RIMS2: variants seen among roughly 807,000 people sequenced by gnomAD.
RIMS2 encodes regulating synaptic membrane exocytosis 2.
RIMS2 carries 59 observed loss-of-function variants against 174.4 expected under a neutral mutation model. That is an observed-to-expected ratio of 0.34 (90% CI 0.27 to 0.42). The LOEUF is 0.42. RIMS2 is among the 10% of genes least tolerant of loss of function. The probability of loss-of-function intolerance (pLI) is 1.00; values close to 1 mark genes in which losing one functional copy is unlikely to be tolerated. For missense variants in RIMS2, 1,620 were observed against 1,666.3 expected (o/e 0.97, Z 0.48); for synonymous variants, 606 against 572.5 (o/e 1.06, Z -0.84).
chr8:103,697,098 G>A lies in RIMS2; in HGVS notation c.189G>A (p.Gln63=), dbSNP rs374844910. Residue 63 remains glutamine, a synonymous_variant, in exon 2 of 24, where the codon CAG becomes CAA. Transcript: ENST00000504942. ...ATTTTCTCTGCAGAAAACTGCATCAGCAGTTTGAAATGTATAAAGAGCAGG... is the reference window on the plus strand; with the variant it reads ...ATTTTCTCTGCAGAAAACTGCATCAACAGTTTGAAATGTATAAAGAGCAGG... The A allele has an allele frequency of 1.5e-4, 246 of 1,612,126 alleles. 1 individual carries two copies. In the African/African-American group the frequency reaches 1.9e-3, roughly 13 times the overall value.
intron 19 of RIMS2, among the ~76,000 whole-genome samples, chr8:104,035,518 T>A (rs948696452): frequency 7.9e-5 from 12 of 151,766 alleles, no homozygotes; most frequent in Non-Finnish European, 1.8e-4. Flanking sequence ...TTTTTTTTTT[T>A]ACTTAATTTT....
At chr8:103,756,277 A>G (rs958152603) in intron 2 of RIMS2, among the ~76,000 whole-genome samples, 2 of 151,988 alleles carry the variant, frequency 1.3e-5, no homozygotes, top group African/African-American at 4.8e-5. Context: ...GGAAATGTAG[A>G]AATCACCCAT....
At chr8:104,162,402 A>G (rs2098768441) in intron 19 of RIMS2, among the ~76,000 whole-genome samples, 1 of 152,178 alleles carries the variant, frequency 6.6e-6, no homozygotes, top group Non-Finnish European at 1.5e-5. Flanking sequence ...GTCATTAAAA[A>G]ATGTAATTAG....
chr8:104,043,486 AG>A (rs1244895035), intron 19 of RIMS2, among the ~76,000 whole-genome samples: 7 of 151,614 alleles, frequency 4.6e-5, no homozygotes, highest in African/African-American at 1.7e-4. Context: ...AGGGATGTCA[AG>A]GGTGGTTGGC....
At chr8:103,934,783 C>T (rs2080862728) in intron 12 of RIMS2, among the ~76,000 whole-genome samples, 1 of 151,936 alleles carries the variant, frequency 6.6e-6, no homozygotes, top group Non-Finnish European at 1.5e-5. Context: ...CTGCAACCTC[C>T]ACCTCCCGGG....
intron 3 of RIMS2, among the ~76,000 whole-genome samples, chr8:103,796,781 A>G (rs1016631377): frequency 6.6e-6 from 1 of 152,246 alleles, no homozygotes; most frequent in African/African-American, 2.4e-5. Context: ...AGACAAAGAA[A>G]TAAGAAATAA....
At chr8:104,203,021 G>A (rs899645122) in intron 19 of RIMS2, among the ~76,000 whole-genome samples, 4 of 152,054 alleles carry the variant, frequency 2.6e-5, no homozygotes, top group African/African-American at 4.8e-5. Context: ...TTCTCTTCAC[G>A]TGAAGTTGTA....
At chr8:104,240,931 C>T (rs553524312) in intron 19 of RIMS2, among the ~76,000 whole-genome samples, 20 of 152,200 alleles carry the variant, frequency 1.3e-4, no homozygotes, top group South Asian at 1.0e-3. Flanking sequence ...ATTCCTACCT[C>T]ATTCCTAATG....
intron 1 of RIMS2, among the ~76,000 whole-genome samples, chr8:103,570,504 C>T (rs1300846519): frequency 6.6e-6 from 1 of 151,954 alleles, no homozygotes; most frequent in African/African-American, 2.4e-5. Context: ...TAAACTTTTC[C>T]AGGAAAAAAT....
chr8:103,967,878 G>A (rs1293113113), intron 15 of RIMS2, among the ~76,000 whole-genome samples: 3 of 104,846 alleles, frequency 2.9e-5, no homozygotes, highest in African/African-American at 1.0e-4. Context: ...TTTTGAGACA[G>A]AGTCTGGCTC....
chr8:103,615,419 A>G (rs2095482246), intron 1 of RIMS2, among the ~76,000 whole-genome samples: 1 of 152,184 alleles, frequency 6.6e-6, no homozygotes, highest in African/African-American at 2.4e-5. Context: ...GCCGACATCA[A>G]AAAGTTAGAA....
chr8:104,077,908 C>T (rs965238104), intron 19 of RIMS2, among the ~76,000 whole-genome samples: 3 of 151,694 alleles, frequency 2.0e-5, no homozygotes, highest in Non-Finnish European at 4.4e-5. Flanking sequence ...TTCGGGAGGC[C>T]AAGGCAGGTG....
intron 19 of RIMS2, among the ~76,000 whole-genome samples, chr8:104,144,716 A>G (rs779713063): frequency 1.3e-5 from 2 of 152,172 alleles, no homozygotes; most frequent in East Asian, 1.9e-4. Flanking sequence ...TTCTGAACAC[A>G]TAATTTTATT....
intron 14 of RIMS2, among the ~76,000 whole-genome samples, chr8:103,949,278 T>C (rs1346712265): frequency 1.3e-5 from 2 of 152,156 alleles, no homozygotes; most frequent in African/African-American, 4.8e-5. Flanking sequence ...CTGTCAATGT[T>C]TGTAGAACAA....
intron 1 of RIMS2, among the ~76,000 whole-genome samples, chr8:103,575,413 C>G (rs1455772291): frequency 6.6e-6 from 1 of 151,908 alleles, no homozygotes; most frequent in Non-Finnish European, 1.5e-5. Flanking sequence ...CCATATGACC[C>G]AGAAATTCCA....
chr8:103,869,844 A>G (rs547071318), intron 3 of RIMS2, among the ~76,000 whole-genome samples: 3 of 152,128 alleles, frequency 2.0e-5, no homozygotes, highest in Admixed American at 2.0e-4. Context: ...AATCTTGGAG[A>G]TGGGATAAAC....
chr8:103,783,818 T>C (rs1592256499), intron 3 of RIMS2, among the ~76,000 whole-genome samples: 3 of 151,172 alleles, frequency 2.0e-5, no homozygotes, highest in African/African-American at 7.3e-5. Context: ...GTATTTCCAG[T>C]TCTAGATCCC....
intron 2 of RIMS2, among the ~76,000 whole-genome samples, chr8:103,757,146 G>A (rs895348956): frequency 6.6e-6 from 1 of 152,014 alleles, no homozygotes; most frequent in African/African-American, 2.4e-5. Flanking sequence ...ACTTTAAAAG[G>A]AATGCTCTTA....
At chr8:103,818,887 T>C (rs950400797) in intron 3 of RIMS2, among the ~76,000 whole-genome samples, 3 of 152,188 alleles carry the variant, frequency 2.0e-5, no homozygotes, top group Non-Finnish European at 4.4e-5. Flanking sequence ...TTGTTGATCA[T>C]ATTTTTATTG....
Sources: allele counts gnomAD v4.1 joint callset (sites outside exome capture counted in the v4.1 genomes callset), GRCh38; gene constraint gnomAD v4.1.1; transcripts MANE v1.5; gene names NCBI Gene and HGNC (gene_info 2026-07-23, HGNC 2026-07-21).